Variants in OSBPL9 observed in about 807,000 individuals in gnomAD.
OSBPL9 encodes oxysterol binding protein like 9, also known as oxysterol-binding protein-related protein 9.
In OSBPL9, 40 loss-of-function variants were observed where a neutral mutation model predicts 106.6. That is an observed-to-expected ratio of 0.38 (90% CI 0.29 to 0.49). The LOEUF (loss-of-function observed/expected upper bound fraction) is 0.49, where lower values mean the gene tolerates loss of function less well. Among genes scored for constraint, OSBPL9 ranks in the 20% least tolerant of loss-of-function variants. The pLI, the probability that OSBPL9 is intolerant of heterozygous loss-of-function variation, is 0.97. For missense variants in OSBPL9, 609 were observed against 887.2 expected, an observed-to-expected ratio of 0.69 and a Z score of 3.98; for synonymous variants, 269 against 295.4, an observed-to-expected ratio of 0.91 and a Z score of 0.92.
At chr1:51,557,600 C>G in the OSBPL9 span, among the ~76,000 whole-genome samples, 6 of 152,234 alleles carry the variant, frequency 3.9e-5, no homozygotes, top group Non-Finnish European at 8.8e-5. Context: ...AGCCTAAGGC[C>G]CTAAGGAATT....
intron 1 of OSBPL9, among the ~76,000 whole-genome samples, chr1:51,627,540 C>T (rs750464362): frequency 1.3e-5 from 2 of 152,146 alleles, no homozygotes; most frequent in African/African-American, 2.4e-5. Context: ...ATTACTGTAG[C>T]TTTGTAGTAA....
intron 4 of OSBPL9, 56 bp downstream of exon 4, chr1:51,714,135 G>T: frequency 1.5e-6 from 2 of 1,335,678 alleles, no homozygotes; most frequent in Non-Finnish European, 1.0e-6. Context: ...TTCTTTTTTT[G>T]TCTGTTTTCT....
chr1:51,760,510 T>C (rs1294096154), intron 9 of OSBPL9, 180 bp from the exon 10 acceptor site: 4 of 763,666 alleles, frequency 5.2e-6, no homozygotes, highest in Non-Finnish European at 5.8e-6. Context: ...TTCCTTACTA[T>C]GCTTTAAGCA....
intron 2 of OSBPL9, among the ~76,000 whole-genome samples, chr1:51,662,525 G>C (rs781377687): frequency 6.6e-6 from 1 of 152,066 alleles, no homozygotes; most frequent in Non-Finnish European, 1.5e-5. Context: ...ATTTCTACCC[G>C]ATGGCTGCTT....
chr1:51,627,269 G>A (rs113055295), intron 1 of OSBPL9, among the ~76,000 whole-genome samples: 3,457 of 152,054 alleles, frequency 0.023, 133 homozygotes, highest in African/African-American at 0.079. Flanking sequence ...CCAAAGTACT[G>A]GGATTATATG....
chr1:51,767,666 T>A (rs1672855428), intron 12 of OSBPL9, among the ~76,000 whole-genome samples: 1 of 152,132 alleles, frequency 6.6e-6, no homozygotes, highest in South Asian at 2.1e-4. Context: ...GAAGGGAGGT[T>A]TAAATCTACA....
intron 10 of OSBPL9, among the ~76,000 whole-genome samples, chr1:51,761,264 T>A (rs1218415800): frequency 6.6e-6 from 1 of 152,012 alleles, no homozygotes; most frequent in African/African-American, 2.4e-5. Flanking sequence ...TGTTTTTTTT[T>A]TTTTTGTATA....
At chr1:51,761,775 G>A in intron 10 of OSBPL9, 92 bp from the exon 11 acceptor site, 1 of 961,164 alleles carries the variant, frequency 1.0e-6, no homozygotes, top group Non-Finnish European at 1.7e-6. Flanking sequence ...AAAATTACTG[G>A]CCTTTAGGAT....
At position 51,789,217 on chromosome 1, in the gene OSBPL9, C is replaced by G; in HGVS notation, c.*1428C>G. On this transcript the variant is annotated 3_prime_UTR_variant, in exon 24 of 24. Transcript: ENST00000428468. ...TTTTAAAATACACATTGCTTCAGGC[C>G]AACGTGACTGCAGTTTATTTATTTG... is the stretch of plus-strand genomic sequence containing the variant. 1 of 1,608,518 alleles carries G rather than the reference C, an allele frequency of 6.2e-7. No individual in the cohort carries two copies. Among genetic ancestry groups the G allele is most frequent in the Non-Finnish European group, 8.5e-7 (1 of 1,175,144 alleles).
chr1:51,650,065 T>TA (rs765193803), intron 1 of OSBPL9, among the ~76,000 whole-genome samples: 8 of 151,964 alleles, frequency 5.3e-5, no homozygotes, highest in Non-Finnish European at 8.8e-5. Context: ...TTTGTAGAGA[T>TA]AGAGTTTCGC....
chr1:51,773,351 T>C (rs1674359671), intron 14 of OSBPL9, among the ~76,000 whole-genome samples: 2 of 152,130 alleles, frequency 1.3e-5, no homozygotes, highest in Non-Finnish European at 1.5e-5. Flanking sequence ...TATGGGTGCC[T>C]TTGTATATTC....
At chr1:51,708,434 G>T (rs570015016) in intron 3 of OSBPL9, among the ~76,000 whole-genome samples, 69 of 151,890 alleles carry the variant, frequency 4.5e-4, no homozygotes, top group Non-Finnish European at 4.9e-4. Context: ...TACATTTGTT[G>T]TATTCAGCAT....
At chr1:51,685,045 C>G (rs1031071177) in intron 3 of OSBPL9, among the ~76,000 whole-genome samples, 3 of 152,034 alleles carry the variant, frequency 2.0e-5, no homozygotes, top group Non-Finnish European at 4.4e-5. Flanking sequence ...CAGCCCTTCC[C>G]TAGGCAGTCC....
At chr1:51,526,385 A>G in the OSBPL9 span, among the ~76,000 whole-genome samples, 1 of 152,118 alleles carries the variant, frequency 6.6e-6, no homozygotes, top group Non-Finnish European at 1.5e-5. Flanking sequence ...GGTGTTAGAA[A>G]ATACCCAGAA....
chr1:51,687,706 A>G (rs1015239268), intron 3 of OSBPL9, among the ~76,000 whole-genome samples: 1 of 152,242 alleles, frequency 6.6e-6, no homozygotes, highest in Non-Finnish European at 1.5e-5. Context: ...ATTTTAGAAT[A>G]CACGGGAGGT....
intron 3 of OSBPL9, among the ~76,000 whole-genome samples, chr1:51,679,591 C>T (rs887234239): frequency 6.6e-6 from 1 of 152,184 alleles, no homozygotes; most frequent in Admixed American, 6.5e-5. Flanking sequence ...ATAGAAAACT[C>T]CAGAAATAAA....
chr1:51,761,279 A>T (rs1374805190), intron 10 of OSBPL9, among the ~76,000 whole-genome samples: 2 of 150,836 alleles, frequency 1.3e-5, no homozygotes, highest in African/African-American at 4.9e-5. Flanking sequence ...TGTATAAAGC[A>T]ATACATGCAA....
In OSBPL9 at chr1:51,609,835, C is replaced by T. The variant is rs552656921; in HGVS notation, c.-352-4470C>T. ...TGATCTCGGCTCACCACAACCTCCA[C>T]CTCCTGGGTTCAAGCGATTCTCCTG... On this transcript the variant is annotated intron_variant, in intron 2 of 25. Transcript: ENST00000371714. 1.4e-3 allele frequency among the ~76,000 whole-genome samples: 217 copies of T among 151,756 alleles called. 1 individual carries two copies. Among genetic ancestry groups the T allele is most frequent in the African/African-American group, 5.0e-3 (205 of 41,376 alleles).
chr1:51,732,581 C>G (rs1460091397), intron 4 of OSBPL9, among the ~76,000 whole-genome samples: 2 of 152,202 alleles, frequency 1.3e-5, no homozygotes, highest in East Asian at 3.8e-4. Context: ...TTTTCCATCT[C>G]CAGTCACCAG....
Sources: allele counts gnomAD v4.1 joint callset (sites outside exome capture counted in the v4.1 genomes callset), GRCh38; gene constraint gnomAD v4.1.1; transcripts MANE v1.5; gene names NCBI Gene and HGNC (gene_info 2026-07-23, HGNC 2026-07-21).